The following FLACC1 variants were observed in gnomAD, a reference collection of about 807,000 sequenced individuals.
The protein encoded by FLACC1 is flagellum associated containing coiled-coil domains 1, also known as flagellum-associated coiled-coil domain-containing protein 1.
A neutral mutation model predicts 62.8 loss-of-function variants in FLACC1; 66 were observed. That is an observed-to-expected ratio of 1.05 (90% confidence interval 0.86 to 1.29). The LOEUF is 1.29. Ranked by LOEUF, FLACC1 falls within the 50% of genes most tolerant of loss-of-function variation. The pLI is 0.00. For missense variants in FLACC1, 452 were observed against 489.1 expected (o/e 0.92, Z 0.71); for synonymous variants, 156 against 161.0 (o/e 0.97, Z 0.24).
chr2:201,298,223 G>A (rs1055549639), intron 12 of FLACC1, among the ~76,000 whole-genome samples: 2 of 152,064 alleles, frequency 1.3e-5, no homozygotes, highest in African/African-American at 4.8e-5. Flanking sequence ...TCAATAGTGG[G>A]GAAAATTAGT....
At chr2:201,299,739 AG>A (rs1368424007) in intron 11 of FLACC1, among the ~76,000 whole-genome samples, 2 of 152,204 alleles carry the variant, frequency 1.3e-5, no homozygotes, top group African/African-American at 4.8e-5. Flanking sequence ...ACAATAGCAA[AG>A]CTAGATAACC....
In FLACC1 at chr2:201,330,751, C is replaced by A; in HGVS notation, c.607G>T (p.Ala203Ser). The A allele has an allele frequency of 6.2e-7, 1 of 1,613,894 alleles. No homozygotes were observed. The highest frequency in any genetic ancestry group is 8.5e-7 in the Non-Finnish European group (1 of 1,179,976). The part of the protein sequence containing the change: ...KAALKAEKLA[A>S]QEKLEEMGKE... ...CCAGCAGTACCTAGCTTCTCTTGGGCAGCCAACTTCTCTGCCTTCAAGGCT... is the reference window on the plus strand; with the variant it reads ...CCAGCAGTACCTAGCTTCTCTTGGGAAGCCAACTTCTCTGCCTTCAAGGCT... The change falls in exon 8 of 15, where the codon GCC (alanine) becomes TCC (serine). Residue 203 changes from alanine to serine, a missense_variant. Coordinates refer to ENST00000392257, the MANE Select transcript of FLACC1 (RefSeq NM_001127391.3).
At chr2:201,311,934 A>G (rs7582706) in intron 9 of FLACC1, among the ~76,000 whole-genome samples, 14,210 of 152,208 alleles carry the variant, frequency 0.093, 797 homozygotes, top group Non-Finnish European at 0.13. Context: ...TTACTTCAAA[A>G]TAATAAGAGC....
chr2:201,342,936 C>A (rs1950841082), intron 6 of FLACC1, among the ~76,000 whole-genome samples: 1 of 152,186 alleles, frequency 6.6e-6, no homozygotes, highest in Non-Finnish European at 1.5e-5. Flanking sequence ...TCAGGTGATA[C>A]TTCATTCTAA....
upstream of FLACC1, among the ~76,000 whole-genome samples, chr2:201,358,058 G>A (rs1951146246): frequency 6.6e-6 from 1 of 151,990 alleles, no homozygotes; most frequent in Non-Finnish European, 1.5e-5. Context: ...ACAACCCCTA[G>A]CTTACAAAAT....
At chr2:201,289,427 C>A in intron 14 of FLACC1, 30 bp downstream of exon 14, 2 of 1,600,178 alleles carry the variant, frequency 1.2e-6, no homozygotes, top group South Asian at 2.2e-5. Flanking sequence ...AAAGAGAACT[C>A]AGCTATGTCT....
At position 201,289,543 on chromosome 2, in the gene FLACC1, C is replaced by A; in HGVS notation, c.1056G>T (p.Glu352Asp). Reference sequence around the variant, plus strand: ...CAGCAAACTTGGTTTGAAGCATTTTCTCCAGATTTCCCACTATAGCTTTCT... The same window carrying A: ...CAGCAAACTTGGTTTGAAGCATTTTATCCAGATTTCCCACTATAGCTTTCT... The part of the protein sequence containing the change: ...QKEKAIVGNL[E>D]KMLQTKFAET... Residue 352 changes from glutamate to aspartate, a missense_variant, in exon 14 of 15, where the codon GAG (glutamate) becomes GAT (aspartate). This residue lies in a region of FLACC1 where 301 missense variants were observed against 318.4 expected (regional missense o/e 0.95). Transcript: ENST00000392257. 2 of 1,614,178 alleles carry A rather than the reference C, an allele frequency of 1.2e-6. No homozygotes were observed. The highest frequency in any genetic ancestry group is 1.7e-6 in the Non-Finnish European group (2 of 1,180,024).
intron 7 of FLACC1, among the ~76,000 whole-genome samples, chr2:201,334,675 C>G (rs1950658310): frequency 6.6e-6 from 1 of 151,654 alleles, no homozygotes; most frequent in Non-Finnish European, 1.5e-5. Context: ...CCCAGCTACT[C>G]AGGAGGCTGA....
intron 12 of FLACC1, among the ~76,000 whole-genome samples, chr2:201,291,666 G>A (rs1213404431): frequency 6.6e-6 from 1 of 152,240 alleles, no homozygotes; most frequent in Non-Finnish European, 1.5e-5. Flanking sequence ...ACAGAACAAA[G>A]CTGGATGGAG....
At chr2:201,322,845 T>A (rs1950430803) in intron 9 of FLACC1, among the ~76,000 whole-genome samples, 1 of 152,034 alleles carries the variant, frequency 6.6e-6, no homozygotes, top group Non-Finnish European at 1.5e-5. Context: ...TAAAAAGCAT[T>A]TCAGGATATG....
intron 1 of FLACC1, among the ~76,000 whole-genome samples, chr2:201,353,738 C>T (rs2125627119): frequency 6.6e-6 from 1 of 152,254 alleles, no homozygotes; most frequent in South Asian, 2.1e-4. Context: ...CAGCCTCCTA[C>T]AAGTGCCCAC....
At chr2:201,294,893 G>A (rs1949823767) in intron 12 of FLACC1, among the ~76,000 whole-genome samples, 1 of 152,100 alleles carries the variant, frequency 6.6e-6, no homozygotes, top group East Asian at 1.9e-4. Flanking sequence ...CAAACAGAGA[G>A]CCAAATCATG....
intron 9 of FLACC1, among the ~76,000 whole-genome samples, chr2:201,320,894 A>G (rs1244115948): frequency 1.3e-5 from 2 of 152,226 alleles, no homozygotes; most frequent in Non-Finnish European, 2.9e-5. Context: ...CCCTTTTGTA[A>G]GCATCACCTC....
chr2:201,342,669 G>A (rs1950835301), intron 6 of FLACC1, among the ~76,000 whole-genome samples: 1 of 152,216 alleles, frequency 6.6e-6, no homozygotes. Context: ...AGTTCATAAT[G>A]TTGGTGCATC....
At chr2:201,319,609 G>A (rs188560634) in intron 9 of FLACC1, among the ~76,000 whole-genome samples, 2 of 152,220 alleles carry the variant, frequency 1.3e-5, no homozygotes, top group East Asian at 3.9e-4. Flanking sequence ...CACAAACTAC[G>A]CATCTGACAA....
chr2:201,319,102 A>G (rs1004858996), intron 9 of FLACC1, among the ~76,000 whole-genome samples: 25 of 152,228 alleles, frequency 1.6e-4, no homozygotes, highest in African/African-American at 5.5e-4. Flanking sequence ...GAAATAAAAA[A>G]ATTTAAAAAA....
chr2:201,319,611 A>C (rs1950365664), intron 9 of FLACC1, among the ~76,000 whole-genome samples: 2 of 152,256 alleles, frequency 1.3e-5, no homozygotes, highest in Non-Finnish European at 2.9e-5. Flanking sequence ...CAAACTACGC[A>C]TCTGACAAAT....
chr2:201,330,448 A>C (rs902261003), intron 9 of FLACC1, 22 bp downstream of exon 9: 1 of 1,607,490 alleles, frequency 6.2e-7, no homozygotes, highest in African/African-American at 1.3e-5. Context: ...CTTGTAATCC[A>C]ACAGGGAGCT....
At chr2:201,322,519 T>C (rs914825673) in intron 9 of FLACC1, among the ~76,000 whole-genome samples, 8 of 152,142 alleles carry the variant, frequency 5.3e-5, no homozygotes, top group South Asian at 2.1e-4. Context: ...GGCCATAATA[T>C]GATAAGCATT....
Sources: allele counts gnomAD v4.1 joint callset (sites outside exome capture counted in the v4.1 genomes callset), GRCh38; gene constraint gnomAD v4.1.1; regional missense constraint gnomAD v4.1.1; transcripts MANE v1.5; gene names NCBI Gene and HGNC (gene_info 2026-07-23, HGNC 2026-07-21).